The following PKIB variants were observed in gnomAD, a reference collection of about 807,000 sequenced individuals.
PKIB encodes the protein cAMP-dependent protein kinase inhibitor beta.
Under a neutral mutation model 4.5 loss-of-function variants are expected in PKIB, and 2 were observed. The ratio of observed to expected loss-of-function variants is 0.44; its 90% CI spans 0.18 to 1.39. The LOEUF is 1.39. PKIB is among the 40% of genes most tolerant of loss of function. PKIB has a pLI of 0.27. For synonymous variants in PKIB, 38 were observed against 36.0 expected (o/e 1.06, Z -0.20); for missense variants, 94 against 92.6 (o/e 1.02, Z -0.06).
chr6:122,713,271 A>G (rs1351973798), intron 3 of PKIB, among the ~76,000 whole-genome samples: 2 of 152,154 alleles, frequency 1.3e-5, no homozygotes, highest in African/African-American at 2.4e-5. Flanking sequence ...AAGCAGCCAC[A>G]GTTGACAAAG....
At chr6:122,675,983 T>C (rs1777657487) in intron 3 of PKIB, among the ~76,000 whole-genome samples, 1 of 139,848 alleles carries the variant, frequency 7.2e-6, no homozygotes, top group Admixed American at 7.1e-5. Flanking sequence ...GACTTGGGGT[T>C]GGAGGGGATA....
At chr6:122,563,773 C>A (rs778392540) in intron 2 of PKIB, among the ~76,000 whole-genome samples, 10 of 152,122 alleles carry the variant, frequency 6.6e-5, no homozygotes, top group Non-Finnish European at 1.5e-4. Context: ...CCTCACCCAG[C>A]TCCCATGCAA....
At chr6:122,700,377 T>C (rs1404720149) in intron 3 of PKIB, among the ~76,000 whole-genome samples, 3 of 151,968 alleles carry the variant, frequency 2.0e-5, no homozygotes, top group Non-Finnish European at 4.4e-5. Flanking sequence ...AGCTTCAAAT[T>C]AGTATCATCA....
At chr6:122,663,628 G>C (rs760825820) in intron 2 of PKIB, among the ~76,000 whole-genome samples, 1 of 152,082 alleles carries the variant, frequency 6.6e-6, no homozygotes, top group Non-Finnish European at 1.5e-5. Flanking sequence ...TGGTAGATGT[G>C]TCCCTCCTAT....
chr6:122,482,009 A>C (rs954839814), intron 2 of PKIB: 1 of 144,654 alleles, frequency 6.9e-6, no homozygotes, highest in Non-Finnish European at 1.5e-5. Context: ...CCCAGGCTGG[A>C]ATGCAGTGGC....
chr6:122,598,843 T>TGCA (rs1159266572), intron 3 of PKIB, among the ~76,000 whole-genome samples: 2 of 152,168 alleles, frequency 1.3e-5, no homozygotes, highest in African/African-American at 4.8e-5. Context: ...TTAAATGCAA[T>TGCA]GCAGAGTCCC....
chr6:122,481,496 G>A (rs564499433), intron 2 of PKIB: 1 of 152,244 alleles, frequency 6.6e-6, no homozygotes, highest in Admixed American at 6.5e-5. Flanking sequence ...TTTGAATGGG[G>A]CTTGTGAATT....
intron 3 of PKIB, among the ~76,000 whole-genome samples, chr6:122,707,606 C>A (rs1779113977): frequency 6.6e-6 from 1 of 152,044 alleles, no homozygotes; most frequent in Admixed American, 6.6e-5. Flanking sequence ...TTTGGCTATG[C>A]ATATTTTACA....
intron 2 of PKIB, among the ~76,000 whole-genome samples, chr6:122,652,289 GGTTTGT>G (rs1776584860): frequency 1.5e-5 from 1 of 66,502 alleles, no homozygotes; most frequent in Admixed American, 2.1e-4. Context: ...CATATATGTT[GGTTTGT>G]GTGTGTGTGT....
intron 2 of PKIB, among the ~76,000 whole-genome samples, chr6:122,530,328 T>G (rs1300297069): frequency 1.3e-5 from 2 of 152,160 alleles, no homozygotes; most frequent in Non-Finnish European, 2.9e-5. Flanking sequence ...TCACAGATTG[T>G]TTTTGGTTTT....
At chr6:122,635,728 G>A (rs1301816080) in intron 2 of PKIB, among the ~76,000 whole-genome samples, 1 of 152,006 alleles carries the variant, frequency 6.6e-6, no homozygotes, top group Non-Finnish European at 1.5e-5. Flanking sequence ...GTCTTAGACT[G>A]AGGAATAAAA....
chr6:122,629,790 G>T (rs1775618689), intron 1 of PKIB, among the ~76,000 whole-genome samples: 1 of 152,094 alleles, frequency 6.6e-6, no homozygotes, highest in South Asian at 2.1e-4. Flanking sequence ...CCAATTGAAA[G>T]GCATTCTACA....
chr6:122,690,924 A>G (rs943783788), intron 3 of PKIB, among the ~76,000 whole-genome samples: 1 of 38,688 alleles, frequency 2.6e-5, no homozygotes, highest in Non-Finnish European at 9.7e-5. Flanking sequence ...GGATATATAT[A>G]TATATATATT....
upstream of PKIB, among the ~76,000 whole-genome samples, chr6:122,606,253 A>G (rs1001280313): frequency 3.3e-5 from 5 of 152,224 alleles, no homozygotes; most frequent in African/African-American, 1.2e-4. Context: ...AGCTAAAGAC[A>G]ATCAAGGATT....
chr6:122,521,497 G>A (rs531154000), intron 2 of PKIB, among the ~76,000 whole-genome samples: 2 of 152,034 alleles, frequency 1.3e-5, no homozygotes, highest in South Asian at 2.1e-4. Context: ...TGGCTAACAC[G>A]GTGAAACGCT....
chr6:122,723,661 G>A (rs543028916), intron 4 of PKIB, among the ~76,000 whole-genome samples: 15 of 151,866 alleles, frequency 9.9e-5, no homozygotes, highest in African/African-American at 3.6e-4. Context: ...ATTGTCTTTG[G>A]CTTTGTTTTT....
At chr6:122,665,474 A>G (rs1216051230) in intron 2 of PKIB, among the ~76,000 whole-genome samples, 1 of 152,216 alleles carries the variant, frequency 6.6e-6, no homozygotes, top group East Asian at 1.9e-4. Context: ...ATTCTTCTGA[A>G]TAAGATCCTT....
intron 2 of PKIB, among the ~76,000 whole-genome samples, chr6:122,554,478 T>C (rs1244182983): frequency 6.6e-6 from 1 of 152,238 alleles, no homozygotes; most frequent in East Asian, 1.9e-4. Flanking sequence ...AGGCACATGA[T>C]ACTCATAATG....
At chr6:122,559,676 C>T (rs1772960379) in intron 2 of PKIB, among the ~76,000 whole-genome samples, 1 of 152,156 alleles carries the variant, frequency 6.6e-6, no homozygotes, top group Admixed American at 6.5e-5. Context: ...CATCCATGAG[C>T]ATGAGATGTG....
Sources: gnomAD v4.1 joint callset for allele counts (sites outside exome capture counted in the v4.1 genomes callset) on GRCh38, gnomAD v4.1.1 for gene constraint, MANE v1.5 for transcripts, NCBI Gene and HGNC (gene_info 2026-07-23, HGNC 2026-07-21) for gene names.